Variants in ZNF536 observed in about 807,000 individuals in gnomAD.
ZNF536 encodes the protein zinc finger protein 536.
A neutral mutation model predicts 84.5 loss-of-function variants in ZNF536; 13 were observed. The ratio of observed to expected loss-of-function variants is 0.15; its 90% confidence interval spans 0.10 to 0.24. The LOEUF (loss-of-function observed/expected upper bound fraction) is 0.24. Among genes scored for constraint, ZNF536 ranks in the 10% least tolerant of loss-of-function variants. The pLI is 1.00. For missense variants in ZNF536, 1,536 were observed against 1,747.5 expected, an observed-to-expected ratio of 0.88 and a Z score of 2.16; for synonymous variants, 811 against 742.5, an observed-to-expected ratio of 1.09 and a Z score of -1.50.
chr19:30,247,882 T>G (rs140392110), intron 1 of ZNF536, among the ~76,000 whole-genome samples: 36 of 152,332 alleles, frequency 2.4e-4, no homozygotes, highest in African/African-American at 8.4e-4. Flanking sequence ...CCTTATTTAT[T>G]GCCTCCTTGG....
At chr19:30,462,783 T>C (rs200037804) in intron 2 of ZNF536, among the ~76,000 whole-genome samples, 11,765 of 106,480 alleles carry the variant, frequency 0.11, 775 homozygotes, top group South Asian at 0.18. Flanking sequence ...AGGATGTGTG[T>C]GTTGGGATGC....
At chr19:30,357,509 T>C (rs1319189066) in intron 3 of ZNF536, among the ~76,000 whole-genome samples, 1 of 151,862 alleles carries the variant, frequency 6.6e-6, no homozygotes, top group Non-Finnish European at 1.5e-5. Flanking sequence ...CCTTTTCGGG[T>C]GCGGAGATGC....
At chr19:30,668,824 A>G (rs1028646847) in intron 1 of ZNF536, among the ~76,000 whole-genome samples, 1 of 152,316 alleles carries the variant, frequency 6.6e-6, no homozygotes, top group East Asian at 1.9e-4. Context: ...TCTCTAAGCC[A>G]GCTCCGATTC....
intron 1 of ZNF536, among the ~76,000 whole-genome samples, chr19:30,373,035 A>G (rs2048670646): frequency 6.6e-6 from 1 of 152,122 alleles, no homozygotes; most frequent in East Asian, 1.9e-4. Flanking sequence ...AAATTACCAT[A>G]CCACACAAAG....
chr19:30,280,327 A>C (rs2045396859), intron 1 of ZNF536, among the ~76,000 whole-genome samples: 3 of 140,880 alleles, frequency 2.1e-5, no homozygotes, highest in South Asian at 2.2e-4. Context: ...CTCCCTCTCT[A>C]CTCTATCTTT....
intron 1 of ZNF536, among the ~76,000 whole-genome samples, chr19:30,604,521 G>A (rs937992721): frequency 8.5e-5 from 13 of 152,152 alleles, no homozygotes; most frequent in African/African-American, 3.1e-4. Context: ...TGAGCTTTAT[G>A]TCAGGAGTTT....
At chr19:30,682,428 C>A (rs535944463) in intron 1 of ZNF536, among the ~76,000 whole-genome samples, 242 of 152,300 alleles carry the variant, frequency 1.6e-3, no homozygotes, top group Non-Finnish European at 2.2e-3. Flanking sequence ...GTAATTCACA[C>A]ACACGCACAC....
intron 1 of ZNF536, among the ~76,000 whole-genome samples, chr19:30,705,245 C>A (rs774103485): frequency 6.6e-6 from 1 of 152,166 alleles, no homozygotes; most frequent in Non-Finnish European, 1.5e-5. Context: ...GGGCCTTTCA[C>A]TTCTTCATAG....
At chr19:30,285,845 T>C (rs535047775) in intron 2 of ZNF536, among the ~76,000 whole-genome samples, 2 of 152,170 alleles carry the variant, frequency 1.3e-5, no homozygotes, top group African/African-American at 4.8e-5. Context: ...ATTGTGACAA[T>C]CAAAATAACT....
chr19:30,399,395 G>T (rs2049954361), intron 1 of ZNF536, among the ~76,000 whole-genome samples: 1 of 151,848 alleles, frequency 6.6e-6, no homozygotes, highest in African/African-American at 2.4e-5. Context: ...AGTTTCTTTT[G>T]CTGTGCAGAA....
chr19:30,316,667 C>T (rs2046688341), intron 2 of ZNF536, among the ~76,000 whole-genome samples: 1 of 152,160 alleles, frequency 6.6e-6, no homozygotes, highest in South Asian at 2.1e-4. Context: ...GGTGAGGCCT[C>T]ATCCTGTTAC....
intron 1 of ZNF536, among the ~76,000 whole-genome samples, chr19:30,621,413 G>A (rs2048477105): frequency 6.6e-6 from 1 of 152,136 alleles, no homozygotes; most frequent in East Asian, 1.9e-4. Flanking sequence ...GCTGCAAGCT[G>A]GGTGTACAAA....
rs761127143 is a variant in ZNF536, at chr19:30,557,181, C to A, written c.*17C>A. 1 of 1,613,400 alleles carries A rather than the reference C, an allele frequency of 6.2e-7. No individual in the cohort carries two copies. The highest frequency in any genetic ancestry group is 1.7e-5 in the Admixed American group (1 of 59,950). ...GGTAAGTGACACTCCCTGTCCTAGT[C>A]GGTCTATCTGGACTTGCCCTTGTCT... On this transcript the variant is annotated 3_prime_UTR_variant, in exon 5 of 5. Coordinates refer to ENST00000355537, the MANE Select transcript of ZNF536 (RefSeq NM_014717.3).
intron 1 of ZNF536, among the ~76,000 whole-genome samples, chr19:30,654,361 C>T (rs1157504468): frequency 6.6e-6 from 1 of 152,112 alleles, no homozygotes; most frequent in Non-Finnish European, 1.5e-5. Context: ...ATCATCTTCC[C>T]ACTTGGCCCT....
intron 1 of ZNF536, among the ~76,000 whole-genome samples, chr19:30,649,415 G>A (rs184894117): frequency 3.5e-4 from 53 of 152,150 alleles, no homozygotes; most frequent in African/African-American, 1.1e-3. Flanking sequence ...AAACTGATAC[G>A]CTTTAATTCT....
At chr19:30,467,429 T>G (rs1003550364) in intron 2 of ZNF536, among the ~76,000 whole-genome samples, 1 of 152,262 alleles carries the variant, frequency 6.6e-6, no homozygotes, top group African/African-American at 2.4e-5. Context: ...TCATTCATGT[T>G]GCAGCCTGTG....
At chr19:30,362,636 T>C (rs560388625) in intron 3 of ZNF536, among the ~76,000 whole-genome samples, 1 of 152,136 alleles carries the variant, frequency 6.6e-6, no homozygotes, top group Non-Finnish European at 1.5e-5. Context: ...AGAACCTTGG[T>C]CCTTGAAGGA....
At chr19:30,455,706 G>A (rs1001937012) in intron 2 of ZNF536, among the ~76,000 whole-genome samples, 3 of 152,146 alleles carry the variant, frequency 2.0e-5, no homozygotes, top group Non-Finnish European at 4.4e-5. Context: ...GTCTCAAAAA[G>A]TATTATCTTT....
At chr19:30,243,790 A>G (rs2024095868) in intron 1 of ZNF536, among the ~76,000 whole-genome samples, 1 of 152,224 alleles carries the variant, frequency 6.6e-6, no homozygotes, top group Non-Finnish European at 1.5e-5. Flanking sequence ...TCTCATTCCA[A>G]TGCATTTAAT....
Sources: gnomAD v4.1 joint callset for allele counts (sites outside exome capture counted in the v4.1 genomes callset) on GRCh38, gnomAD v4.1.1 for gene constraint, MANE v1.5 for transcripts, NCBI Gene and HGNC (gene_info 2026-07-23, HGNC 2026-07-21) for gene names.